The following PTPRD variants were observed in gnomAD, a reference collection of about 807,000 sequenced individuals.
PTPRD encodes protein tyrosine phosphatase receptor type D, also known as receptor-type tyrosine-protein phosphatase delta.
A neutral mutation model predicts 214.5 loss-of-function variants in PTPRD; 34 were observed. That is an observed-to-expected ratio of 0.16 (90% CI 0.12 to 0.21). The LOEUF (loss-of-function observed/expected upper bound fraction) is 0.21. Among genes scored for constraint, PTPRD ranks in the 10% least tolerant of loss-of-function variants. The pLI is 1.00. For missense variants in PTPRD, 2,545 were observed against 2,398.7 expected, an observed-to-expected ratio of 1.06 and a Z score of -1.27; for synonymous variants, 1,128 against 845.7, an observed-to-expected ratio of 1.33 and a Z score of -5.79.
At chr9:9,235,401 C>T (rs2099965949) in intron 9 of PTPRD, among the ~76,000 whole-genome samples, 1 of 152,150 alleles carries the variant, frequency 6.6e-6, no homozygotes, top group African/African-American at 2.4e-5. Flanking sequence ...GATTATTACC[C>T]TTTGTCCAAT....
intron 11 of PTPRD, among the ~76,000 whole-genome samples, chr9:8,968,026 T>C (rs753894121): frequency 6.6e-6 from 1 of 152,032 alleles, no homozygotes; most frequent in Non-Finnish European, 1.5e-5. Context: ...TTCCCTGCGA[T>C]AGTTTGCTGA....
At chr9:9,655,953 G>A (rs933461074) in intron 7 of PTPRD, among the ~76,000 whole-genome samples, 1 of 152,038 alleles carries the variant, frequency 6.6e-6, no homozygotes, top group Non-Finnish European at 1.5e-5. Context: ...TCTCCAGCGG[G>A]GGCAACACAG....
chr9:8,457,485 T>C (rs547169109), intron 33 of PTPRD, among the ~76,000 whole-genome samples: 1 of 152,216 alleles, frequency 6.6e-6, no homozygotes, highest in East Asian at 1.9e-4. Context: ...CAATGTATTA[T>C]AGGTATACAG....
intron 34 of PTPRD, among the ~76,000 whole-genome samples, chr9:8,436,994 G>A (rs1042121861): frequency 2.0e-5 from 3 of 152,116 alleles, no homozygotes; most frequent in Non-Finnish European, 4.4e-5. Context: ...CTGACAGTCA[G>A]GCTTGATGTC....
intron 3 of PTPRD, among the ~76,000 whole-genome samples, chr9:10,110,051 A>C (rs2098676356): frequency 6.6e-6 from 1 of 152,180 alleles, no homozygotes; most frequent in Admixed American, 6.5e-5. Flanking sequence ...GGAAAAATGT[A>C]GATGCTATAA....
Position 8,376,595 on chromosome 9 carries a change from T to C in PTPRD, c.4506+12A>G, listed in dbSNP as rs984325618. Reference sequence around the variant, plus strand: ...AGAAGGGAAAGGGAGGAGAAAAAGATGAAAAGCAAACCTTGTAAAGTGCAA... The same window carrying C: ...AGAAGGGAAAGGGAGGAGAAAAAGACGAAAAGCAAACCTTGTAAAGTGCAA... On this transcript the variant is annotated intron_variant, in intron 38 of 45. Coordinates refer to ENST00000381196, the MANE Select transcript of PTPRD (RefSeq NM_002839.4). The C allele has an allele frequency of 1.9e-6, 3 of 1,612,342 alleles. No homozygotes were observed. In the African/African-American group the frequency reaches 4.0e-5, roughly 22 times the overall value.
chr9:9,884,566 A>C (rs1439643619), intron 5 of PTPRD, among the ~76,000 whole-genome samples: 1 of 152,122 alleles, frequency 6.6e-6, no homozygotes, highest in Non-Finnish European at 1.5e-5. Flanking sequence ...AAAGGCCTTG[A>C]AGACACTATT....
rs77129823 is a variant in PTPRD at position 10,034,381 on chromosome 9, G to A, written c.-544-591C>T. ...CTGCCTTTTACTATTTCTTCTTCTCGCACTCTGTCTCAGCTCCTGGCTCTA... is the reference window on the plus strand; with the variant it reads ...CTGCCTTTTACTATTTCTTCTTCTCACACTCTGTCTCAGCTCCTGGCTCTA... On this transcript the variant is annotated intron_variant, in intron 3 of 45. Coordinates refer to ENST00000381196, the MANE Select transcript of PTPRD (RefSeq NM_002839.4). Among the ~76,000 whole-genome samples, 32 of 140,132 alleles carry A rather than the reference G, an allele frequency of 2.3e-4. 1 individual carries two copies. The highest frequency in any genetic ancestry group is 8.5e-3 in the Middle Eastern group (2 of 234). The allele number at this position is 140,132 out of a possible 152,430, so 91.9% of individuals were successfully genotyped here.
rs559579609 is a variant in PTPRD at position 8,663,952 on chromosome 9, G to A, written c.65-27108C>T. ...CGGAAAATGTTTTTTAAATCACTGT[G>A]TTTCCCAAGACGATCTCTGATATTT... is the stretch of plus-strand genomic sequence containing the variant. On this transcript the variant is annotated intron_variant, in intron 12 of 45. Transcript: ENST00000381196. Among the ~76,000 whole-genome samples, 25 of 150,572 alleles carry A rather than the reference G, an allele frequency of 1.7e-4. No homozygotes were observed. In the South Asian group the frequency reaches 5.3e-3, roughly 32 times the overall value.
At chr9:8,490,914 C>T (rs965220364) in intron 27 of PTPRD, among the ~76,000 whole-genome samples, 1 of 152,124 alleles carries the variant, frequency 6.6e-6, no homozygotes, top group African/African-American at 2.4e-5. Flanking sequence ...AATACCTTTA[C>T]AATTATGGTT....
intron 12 of PTPRD, among the ~76,000 whole-genome samples, chr9:8,698,581 C>A (rs2097987752): frequency 6.6e-6 from 1 of 152,150 alleles, no homozygotes; most frequent in South Asian, 2.1e-4. Context: ...TAGTTTCCTA[C>A]AAAACAACAA....
chr9:10,177,586 GTATTTGTGGTGAAC>G (rs1408023244), intron 3 of PTPRD, among the ~76,000 whole-genome samples: 1 of 151,864 alleles, frequency 6.6e-6, no homozygotes, highest in African/African-American at 2.4e-5. Context: ...AGGCTTTCTT[GTATTTGTGGTGAAC>G]TATGATAGGG....
chr9:9,949,851 T>G (rs529045321), intron 4 of PTPRD, among the ~76,000 whole-genome samples: 1 of 152,118 alleles, frequency 6.6e-6, no homozygotes, highest in African/African-American at 2.4e-5. Context: ...ATAAAGGAAA[T>G]TGAATCTTTG....
chr9:10,026,779 T>A (rs2096930835), intron 4 of PTPRD, among the ~76,000 whole-genome samples: 2 of 152,030 alleles, frequency 1.3e-5, no homozygotes, highest in African/African-American at 4.8e-5. Flanking sequence ...ATTCCATGTA[T>A]GTTATACATT....
At chr9:9,736,003 T>C (rs1167764187) in intron 6 of PTPRD, among the ~76,000 whole-genome samples, 2 of 152,162 alleles carry the variant, frequency 1.3e-5, no homozygotes, top group African/African-American at 4.8e-5. Flanking sequence ...TGGCTTGTTC[T>C]GTCACACTGG....
At position 8,316,878 on chromosome 9, in the gene PTPRD, T is replaced by C. The variant is rs1822200075; in HGVS notation, c.*996A>G. ...ATAGCTTTTCTACGTTTAAAAAAAC[T>C]AAATCATGGAAGAACTGACTGACTG... On this transcript the variant is annotated 3_prime_UTR_variant, in exon 46 of 46. Transcript: ENST00000381196. 1.8e-5 allele frequency: 4 copies of C among 227,786 alleles called. No homozygotes were observed. The highest frequency in any genetic ancestry group is 3.4e-5 in the Non-Finnish European group (4 of 116,390). The allele number at this position is 227,786 out of a possible 1,614,324, so 14.1% of individuals were successfully genotyped here.
intron 2 of PTPRD, among the ~76,000 whole-genome samples, chr9:10,435,476 C>G (rs1209546519): frequency 6.6e-6 from 1 of 151,772 alleles, no homozygotes; most frequent in Non-Finnish European, 1.5e-5. Context: ...AGGAACAGAG[C>G]CAGTTTTACA....
At chr9:9,702,393 G>C (rs1356618287) in intron 7 of PTPRD, among the ~76,000 whole-genome samples, 1 of 152,190 alleles carries the variant, frequency 6.6e-6, no homozygotes, top group African/African-American at 2.4e-5. Context: ...AAGAAGCATA[G>C]TTTCACAGTG....
chr9:8,998,453 C>G (rs536828472), intron 11 of PTPRD, among the ~76,000 whole-genome samples: 2 of 151,866 alleles, frequency 1.3e-5, no homozygotes, highest in Non-Finnish European at 2.9e-5. Flanking sequence ...CATGACTTAC[C>G]GTGAATATTT....
Sources: gnomAD v4.1 joint callset for allele counts (sites outside exome capture counted in the v4.1 genomes callset) on GRCh38, gnomAD v4.1.1 for gene constraint, MANE v1.5 for transcripts, NCBI Gene and HGNC (gene_info 2026-07-23, HGNC 2026-07-21) for gene names.